CTNNA2: variants seen among roughly 807,000 people sequenced by gnomAD.
CTNNA2 encodes catenin alpha-2.
CTNNA2 carries 42 observed loss-of-function variants against 101.0 expected under a neutral mutation model. The ratio of observed to expected loss-of-function variants is 0.42; its 90% CI spans 0.32 to 0.54. The LOEUF (loss-of-function observed/expected upper bound fraction) is 0.54, where lower values mean the gene tolerates loss of function less well. Ranked by LOEUF, CTNNA2 falls within the 20% of genes least tolerant of loss-of-function variation. The pLI is 0.14. For missense variants in CTNNA2, 871 were observed against 1,223.1 expected (o/e 0.71, Z 4.29); for synonymous variants, 450 against 456.4 (o/e 0.99, Z 0.18).
intron 7 of CTNNA2, among the ~76,000 whole-genome samples, chr2:80,107,649 G>T (rs186710124): frequency 1.3e-5 from 2 of 152,368 alleles, no homozygotes; most frequent in East Asian, 3.9e-4. Flanking sequence ...GCCCAACAAA[G>T]GCTGTCACAC....
At chr2:80,573,366 T>C (rs1694767522) in intron 12 of CTNNA2, 1 of 152,168 alleles carries the variant, frequency 6.6e-6, no homozygotes. Context: ...GTCAGCATTT[T>C]AGAAATTTAT....
At chr2:80,483,832 A>G (rs1257796276) in intron 9 of CTNNA2, among the ~76,000 whole-genome samples, 1 of 152,196 alleles carries the variant, frequency 6.6e-6, no homozygotes, top group South Asian at 2.1e-4. Context: ...TGAAGAATGA[A>G]TAGTGAGACT....
chr2:79,540,955 T>C (rs1469803150), intron 1 of CTNNA2, among the ~76,000 whole-genome samples: 2 of 152,136 alleles, frequency 1.3e-5, no homozygotes, highest in East Asian at 3.9e-4. Context: ...ATCGGATTGG[T>C]GTGATTAAAT....
chr2:79,468,599 C>A (rs951444532), intron 4 of CTNNA2, among the ~76,000 whole-genome samples: 3 of 152,336 alleles, frequency 2.0e-5, no homozygotes, highest in Admixed American at 6.5e-5. Context: ...CCACATCGCA[C>A]TTATTCCAAA....
At chr2:79,400,746 G>C (rs1253701459) in intron 4 of CTNNA2, among the ~76,000 whole-genome samples, 1 of 151,708 alleles carries the variant, frequency 6.6e-6, no homozygotes, top group Non-Finnish European at 1.5e-5. Context: ...AGGACATAAT[G>C]GTCAAAAACT....
intron 4 of CTNNA2, among the ~76,000 whole-genome samples, chr2:79,411,205 G>C (rs1011972392): frequency 2.0e-5 from 3 of 151,086 alleles, no homozygotes; most frequent in Non-Finnish European, 4.4e-5. Context: ...TTCTTTATTA[G>C]TCTTGCTAGC....
At chr2:79,729,448 CT>C (rs1413915209) in intron 2 of CTNNA2, among the ~76,000 whole-genome samples, 1 of 152,120 alleles carries the variant, frequency 6.6e-6, no homozygotes, top group Admixed American at 6.6e-5. Context: ...TTTCTGTCCC[CT>C]GACCCGTGCT....
chr2:80,374,737 T>C (rs1211255766), intron 7 of CTNNA2, among the ~76,000 whole-genome samples: 1 of 151,302 alleles, frequency 6.6e-6, no homozygotes, highest in Non-Finnish European at 1.5e-5. Flanking sequence ...TCTTTAAGGA[T>C]ACCAGTCATA....
intron 9 of CTNNA2, among the ~76,000 whole-genome samples, chr2:80,521,183 C>A (rs925839983): frequency 3.9e-5 from 6 of 152,232 alleles, no homozygotes; most frequent in Admixed American, 3.9e-4. Flanking sequence ...CTTCCTCTAC[C>A]TAACCCTGGA....
chr2:79,860,651 T>C (rs1400800973), intron 4 of CTNNA2, among the ~76,000 whole-genome samples: 1 of 148,048 alleles, frequency 6.8e-6, no homozygotes, highest in Non-Finnish European at 1.5e-5. Context: ...TTAAAAATGA[T>C]TGTAGACTAA....
chr2:79,735,840 G>A (rs907271555), intron 2 of CTNNA2, among the ~76,000 whole-genome samples: 2 of 152,122 alleles, frequency 1.3e-5, no homozygotes, highest in East Asian at 1.9e-4. Flanking sequence ...GTCAGATAAC[G>A]GGGAGGAAAT....
In CTNNA2 at chr2:79,463,679, T is replaced by C. The variant is rs551278849; in HGVS notation, c.-134-41375T>C. ...TTGGAAGCAAAGATTTCAGTAATAC[T>C]TCAAGAAAGTGATTATGTGGAAAAT... On this transcript the variant is annotated intron_variant, in intron 4 of 21. Transcript: ENST00000466387. 2.0e-5 allele frequency among the ~76,000 whole-genome samples: 3 copies of C among 152,298 alleles called. No homozygotes were observed. In the East Asian group the frequency reaches 5.8e-4, roughly 29 times the overall value.
At chr2:79,704,650 C>T (rs961459101) in intron 2 of CTNNA2, among the ~76,000 whole-genome samples, 3 of 151,666 alleles carry the variant, frequency 2.0e-5, no homozygotes, top group African/African-American at 7.3e-5. Flanking sequence ...GTAGCTGGGA[C>T]TACAGGCACC....
rs532120486 is a variant in CTNNA2, at chr2:80,249,555, C to CA, written c.1057-143653dup. On this transcript the variant is annotated intron_variant, in intron 7 of 18. Coordinates refer to ENST00000402739, the MANE Select transcript of CTNNA2 (RefSeq NM_001282597.3). ...ATAGTTTTAACTTAATCTTCACCAA[C>CA]AAACTACTATTATTATATTAATTAA... Among the ~76,000 whole-genome samples the CA allele has an allele frequency of 3.6e-3, 545 of 152,298 alleles. 5 individuals carry two copies. Among genetic ancestry groups the CA allele is most frequent in the African/African-American group, 0.012 (518 of 41,568 alleles).
intron 7 of CTNNA2, chr2:80,305,421 G>T: frequency 2.1e-6 from 2 of 975,206 alleles, no homozygotes; most frequent in Non-Finnish European, 2.4e-6. Flanking sequence ...AAGAACGATT[G>T]TACTGTCTGA....
chr2:80,133,711 G>T (rs886099946), intron 7 of CTNNA2, among the ~76,000 whole-genome samples: 2 of 152,160 alleles, frequency 1.3e-5, no homozygotes, highest in Non-Finnish European at 2.9e-5. Context: ...ATCAGAATCA[G>T]ATAACCTTGA....
At chr2:79,761,709 G>A (rs1008074596) in intron 3 of CTNNA2, among the ~76,000 whole-genome samples, 1 of 152,130 alleles carries the variant, frequency 6.6e-6, no homozygotes, top group Admixed American at 6.6e-5. Flanking sequence ...ACATTCATTA[G>A]AATATGATCT....
chr2:80,375,824 A>G (rs1435939169), intron 7 of CTNNA2, among the ~76,000 whole-genome samples: 1 of 150,896 alleles, frequency 6.6e-6, no homozygotes, highest in Non-Finnish European at 1.5e-5. Flanking sequence ...CGGCCTCCCA[A>G]AGTGCTGGGA....
At chr2:79,549,552 C>A (rs959438833) in intron 1 of CTNNA2, among the ~76,000 whole-genome samples, 5 of 152,112 alleles carry the variant, frequency 3.3e-5, no homozygotes, top group African/African-American at 1.2e-4. Flanking sequence ...TAACTATGAA[C>A]TGCTACAAAA....
Sources: gnomAD v4.1 joint callset for allele counts (sites outside exome capture counted in the v4.1 genomes callset) on GRCh38, gnomAD v4.1.1 for gene constraint, MANE v1.5 for transcripts, NCBI Gene and HGNC (gene_info 2026-07-23, HGNC 2026-07-21) for gene names.